Variants in RGS3 observed in about 807,000 individuals in gnomAD.
RGS3 encodes the protein regulator of G-protein signalling 3.
In RGS3, 80 loss-of-function variants were observed where a neutral mutation model predicts 132.6. That is an observed-to-expected ratio of 0.60 (90% CI 0.50 to 0.73). RGS3 has a LOEUF of 0.73. Ranked by LOEUF, RGS3 falls within the 30% of genes least tolerant of loss-of-function variation. The pLI is 0.00. For missense variants in RGS3, 1,382 were observed against 1,530.8 expected (o/e 0.90, Z 1.62); for synonymous variants, 598 against 620.6 (o/e 0.96, Z 0.54).
At chr9:113,487,126 A>G (rs1830357905) in intron 7 of RGS3, among the ~76,000 whole-genome samples, 1 of 123,746 alleles carries the variant, frequency 8.1e-6, no homozygotes, top group Admixed American at 9.5e-5. Flanking sequence ...TTTTTTTGAG[A>G]CGGAGTCTCG....
chr9:113,487,402 C>G (rs966963627), intron 7 of RGS3, among the ~76,000 whole-genome samples: 9 of 152,210 alleles, frequency 5.9e-5, no homozygotes, highest in Non-Finnish European at 2.9e-5. Flanking sequence ...TGAGCCACCG[C>G]GCCCGGCCTG....
chr9:113,572,695 G>T (rs947084538), intron 19 of RGS3, among the ~76,000 whole-genome samples: 1 of 152,226 alleles, frequency 6.6e-6, no homozygotes, highest in Non-Finnish European at 1.5e-5. Flanking sequence ...TATGCCTTGG[G>T]CCCTGAACTC....
At chr9:113,561,550 T>C (rs1350142762) in intron 19 of RGS3, among the ~76,000 whole-genome samples, 1 of 151,318 alleles carries the variant, frequency 6.6e-6, no homozygotes, top group Non-Finnish European at 1.5e-5. Context: ...GTAGCTGGGA[T>C]CACAGGCACA....
At chr9:113,451,172 C>G (rs1829233889) in intron 1 of RGS3, among the ~76,000 whole-genome samples, 2 of 149,790 alleles carry the variant, frequency 1.3e-5, no homozygotes, top group African/African-American at 4.9e-5. Flanking sequence ...GTGCAAGACT[C>G]CGTCTCAAAA....
rs374164748 is a variant in RGS3, at chr9:113,461,940, A to G, written c.234+80A>G. 17 of 1,591,090 alleles carry G rather than the reference A, an allele frequency of 1.1e-5. No individual in the cohort carries two copies. The African/African-American group carries it at 1.7e-4, about 16-fold the overall frequency. On this transcript the variant is annotated intron_variant, in intron 2 of 24. Transcript: ENST00000350696. ...CTGTTTCCTGAACACCATGCTTTCTAGTTCCTACTGGGAGTGAACACACCT... is the reference window on the plus strand; with the variant it reads ...CTGTTTCCTGAACACCATGCTTTCTGGTTCCTACTGGGAGTGAACACACCT...
intron 21 of RGS3, chr9:113,593,665 TGCCCTGTACAGGGGGTCTAGG>T: frequency 2.1e-6 from 1 of 472,140 alleles, no homozygotes; most frequent in Non-Finnish European, 3.8e-6. Context: ...CTCTGGGAGG[TGCCCTGTACAGGGGGTCTAGG>T]GAAAAGAGGG....
At chr9:113,525,960 G>A (rs1307437737) in intron 17 of RGS3, among the ~76,000 whole-genome samples, 2 of 152,242 alleles carry the variant, frequency 1.3e-5, no homozygotes, top group African/African-American at 4.8e-5. Flanking sequence ...GTCCTGCCCA[G>A]CCTCCCCTAG....
chr9:113,471,738 A>T (rs1829841169), intron 3 of RGS3, among the ~76,000 whole-genome samples: 1 of 151,780 alleles, frequency 6.6e-6, no homozygotes, highest in Non-Finnish European at 1.5e-5. Context: ...CTGGGGCTGG[A>T]GGGTCCCTTT....
intron 17 of RGS3, among the ~76,000 whole-genome samples, chr9:113,528,167 T>C (rs1832300202): frequency 6.6e-6 from 1 of 152,216 alleles, no homozygotes; most frequent in Admixed American, 6.5e-5. Context: ...GCTAAGGTCC[T>C]GTGGCCCTTT....
intron 19 of RGS3, 134 bp from the exon 18 acceptor site, chr9:113,583,316 A>G (rs1588287333): frequency 4.9e-6 from 7 of 1,437,694 alleles, no homozygotes; most frequent in South Asian, 1.5e-5. Flanking sequence ...TGGGGGTTCC[A>G]TCTGGCACCT....
chr9:113,461,604 A>C, intron 1 of RGS3: 1 of 1,156,896 alleles, frequency 8.6e-7, no homozygotes, highest in Middle Eastern at 2.0e-4. Flanking sequence ...TGTTAGCTGC[A>C]GAGTGGGGCA....
exon 20 of RGS3, chr9:113,584,325 C>G: frequency 6.2e-7 from 1 of 1,601,542 alleles, no homozygotes; most frequent in Non-Finnish European, 8.5e-7. Context: ...AGGGCGCCGC[C>G]TCCACCTGGG....
chr9:113,493,739 GCTCGAACCCCAC>G (rs1231840712), intron 7 of RGS3, among the ~76,000 whole-genome samples: 7 of 152,134 alleles, frequency 4.6e-5, no homozygotes, highest in Non-Finnish European at 5.9e-5. Context: ...AGGCTCCCAT[GCTCGAACCCCAC>G]CTTGGACCAA....
At chr9:113,453,112 TACTC>T (rs1829292314) in intron 1 of RGS3, among the ~76,000 whole-genome samples, 1 of 134,502 alleles carries the variant, frequency 7.4e-6, no homozygotes, top group Non-Finnish European at 1.5e-5. Context: ...TAAATTTACA[TACTC>T]ATTATATGAT....
intron 15 of RGS3, among the ~76,000 whole-genome samples, chr9:113,514,923 A>G (rs1159114033): frequency 6.6e-6 from 1 of 152,076 alleles, no homozygotes; most frequent in Non-Finnish European, 1.5e-5. Context: ...TTCTCTGGGG[A>G]AAGGGCAGGT....
At chr9:113,554,141 T>G (rs1181168943) in intron 19 of RGS3, among the ~76,000 whole-genome samples, 1 of 152,228 alleles carries the variant, frequency 6.6e-6, no homozygotes, top group East Asian at 1.9e-4. Context: ...AGAGGTTAAG[T>G]ACATGTACAA....
intron 15 of RGS3, among the ~76,000 whole-genome samples, chr9:113,517,071 A>T (rs966444495): frequency 1.4e-4 from 21 of 152,196 alleles, no homozygotes; most frequent in Admixed American, 6.5e-5. Context: ...CAAGTGTGCT[A>T]TGAGTGCAGA....
chr9:113,472,278 G>T lies in RGS3; in HGVS notation c.416-7213G>T, dbSNP rs536035772. On this transcript the variant is annotated intron_variant, in intron 3 of 24. Transcript: ENST00000350696. Reference sequence around the variant, plus strand: ...TCCACTCTTAGGTATAAATCCAAGAGGAATGAAAACACATGCTCACACAAA... The same window carrying T: ...TCCACTCTTAGGTATAAATCCAAGATGAATGAAAACACATGCTCACACAAA... 2.6e-5 allele frequency among the ~76,000 whole-genome samples: 4 copies of T among 152,220 alleles called. No homozygotes were observed. In the East Asian group the frequency reaches 7.7e-4, roughly 29 times the overall value.
At chr9:113,487,427 T>TA (rs1277332095) in intron 7 of RGS3, among the ~76,000 whole-genome samples, 1 of 152,244 alleles carries the variant, frequency 6.6e-6, no homozygotes, top group African/African-American at 2.4e-5. Flanking sequence ...ATTTAATTCT[T>TA]ACAACAGCTC....
Sources: gnomAD v4.1 joint callset for allele counts (sites outside exome capture counted in the v4.1 genomes callset) on GRCh38, gnomAD v4.1.1 for gene constraint, MANE v1.5 for transcripts, NCBI Gene and HGNC (gene_info 2026-07-23, HGNC 2026-07-21) for gene names.